The following PEAK1 variants were observed in gnomAD, a reference collection of about 807,000 sequenced individuals.
PEAK1 encodes the protein inactive tyrosine-protein kinase PEAK1.
Under a neutral mutation model 124.7 loss-of-function variants are expected in PEAK1, and 54 were observed. That is an observed-to-expected ratio of 0.43 (90% CI 0.35 to 0.54). The LOEUF (loss-of-function observed/expected upper bound fraction) is 0.54. Ranked by LOEUF, PEAK1 falls within the 20% of genes least tolerant of loss-of-function variation. The pLI is 0.01. For missense variants in PEAK1, 2,046 were observed against 2,134.5 expected, an observed-to-expected ratio of 0.96 and a Z score of 0.82; for synonymous variants, 719 against 760.0, an observed-to-expected ratio of 0.95 and a Z score of 0.89.
chr15:77,131,408 G>A (rs552844524), intron 9 of PEAK1, among the ~76,000 whole-genome samples: 5 of 152,278 alleles, frequency 3.3e-5, no homozygotes, highest in African/African-American at 9.6e-5. Context: ...CAGGAGAATC[G>A]CTTGAACCCG....
At chr15:77,261,309 C>T (rs555117915) in intron 5 of PEAK1, among the ~76,000 whole-genome samples, 25 of 152,138 alleles carry the variant, frequency 1.6e-4, no homozygotes, top group Non-Finnish European at 2.5e-4. Flanking sequence ...AGGCTTCAGA[C>T]GATCAAACTA....
chr15:77,196,183 TTGTC>T (rs1221913382), intron 6 of PEAK1, among the ~76,000 whole-genome samples: 2 of 152,200 alleles, frequency 1.3e-5, no homozygotes, highest in Non-Finnish European at 2.9e-5. Flanking sequence ...CCTCCTCAAT[TTGTC>T]TGTCAGCCGG....
At chr15:77,175,131 T>C (rs1486058063) in intron 7 of PEAK1, among the ~76,000 whole-genome samples, 6 of 151,884 alleles carry the variant, frequency 4.0e-5, no homozygotes, top group South Asian at 2.1e-4. Context: ...AAACGTTAGA[T>C]CTAAAACCAT....
chr15:77,192,929 C>T (rs936271520), intron 6 of PEAK1, among the ~76,000 whole-genome samples: 7 of 152,116 alleles, frequency 4.6e-5, no homozygotes, highest in Non-Finnish European at 1.0e-4. Flanking sequence ...TGACTACATA[C>T]TCTTCTGTGT....
rs1239969197 is a variant in PEAK1 at position 77,179,351 on chromosome 15, A to G, written c.2576T>C (p.Val859Ala). ...KPVTPSPSKL[V>A]TSPQSEPPAP... is the part of the protein sequence containing the mutation. ...TGGTGGCTCACTTTGGGGGCTAGTC[A>G]CTAATTTGGAGGGAGAGGGGGTGAC... Residue 859 changes from valine (V) to alanine (A), a missense_variant, in exon 7 of 10, where the codon GTG (valine) becomes GCG (alanine). Physicochemically the swap from Val to Ala is moderately conservative, Grantham distance 64. Coordinates refer to ENST00000682557, the MANE Select transcript of PEAK1 (RefSeq NM_001385026.1). 1 of 1,613,926 alleles carries G rather than the reference A, an allele frequency of 6.2e-7. No individual in the cohort carries two copies. The highest frequency in any genetic ancestry group is 2.2e-5 in the East Asian group (1 of 44,864).
At chr15:77,252,589 C>A in intron 5 of PEAK1, 63 bp from the exon 6 acceptor site, 2 of 861,158 alleles carry the variant, frequency 2.3e-6, no homozygotes, top group Non-Finnish European at 2.8e-6. Context: ...TATTGGACAT[C>A]TTTTCTTAGA....
At chr15:77,408,009 A>G (rs531773892) in intron 1 of PEAK1, among the ~76,000 whole-genome samples, 2 of 151,468 alleles carry the variant, frequency 1.3e-5, no homozygotes, top group African/African-American at 4.8e-5. Flanking sequence ...ACACACGTAC[A>G]CATATACACA....
intron 9 of PEAK1, among the ~76,000 whole-genome samples, chr15:77,132,340 C>A (rs2052936497): frequency 6.6e-6 from 1 of 151,236 alleles, no homozygotes; most frequent in African/African-American, 2.4e-5. Context: ...CTGGTTTGGG[C>A]TCCCAAAGTG....
chr15:77,263,908 C>T (rs1408410113), intron 5 of PEAK1, among the ~76,000 whole-genome samples: 3 of 152,104 alleles, frequency 2.0e-5, no homozygotes, highest in Non-Finnish European at 4.4e-5. Flanking sequence ...GCTTATCTAC[C>T]ATGATCAAGT....
At chr15:77,239,524 G>T (rs1179681966) in intron 6 of PEAK1, among the ~76,000 whole-genome samples, 1 of 152,186 alleles carries the variant, frequency 6.6e-6, no homozygotes, top group Non-Finnish European at 1.5e-5. Flanking sequence ...GATAATATAA[G>T]AAGAGAGACT....
Position 77,109,166 on chromosome 15 carries a change from A to G in PEAK1, c.*4990T>C, listed in dbSNP as rs1193421124. 6.6e-6 allele frequency: 1 copy of G among 152,116 alleles called. No homozygotes were observed. The highest frequency in any genetic ancestry group is 1.5e-5 in the Non-Finnish European group (1 of 68,026). The allele number at this position is 152,116 out of a possible 1,614,324, so 9.4% of individuals were successfully genotyped here. A position where few individuals can be genotyped will look rare whatever the true frequency, so the allele number is the denominator to read the frequency against. On this transcript the variant is annotated 3_prime_UTR_variant, in exon 10 of 10. Coordinates refer to ENST00000682557, the MANE Select transcript of PEAK1 (RefSeq NM_001385026.1). ...TTTAAACAAACCTATTTAAACTACC[A>G]TATCTCTTTAAAAAAATCTTCCGCT...
intron 8 of PEAK1, among the ~76,000 whole-genome samples, chr15:77,134,129 G>A (rs1209204321): frequency 1.3e-5 from 2 of 152,226 alleles, no homozygotes; most frequent in African/African-American, 4.8e-5. Flanking sequence ...TGACAGAGTA[G>A]AGATGATAGC....
downstream of PEAK1, chr15:77,103,422 A>C (rs530983406): frequency 6.6e-6 from 1 of 152,284 alleles, no homozygotes; most frequent in Admixed American, 6.5e-5. Context: ...GTGAGCCACC[A>C]CACCTGGCCA....
rs922130549 is a variant in PEAK1 at position 77,284,038 on chromosome 15, A to G, written c.-422-8T>C. 6.1e-6 allele frequency: 6 copies of G among 985,136 alleles called. No homozygotes were observed. In the African/African-American group the frequency reaches 8.7e-5, roughly 14 times the overall value. The allele number at this position is 985,136 out of a possible 1,614,324, so 61.0% of individuals were successfully genotyped here. ...AGGATGTAATTAGTCTCACTAAAGC[A>G]AGAAAACATGATAAACTTGGTTGAG... On this transcript the variant is annotated splice_region_variant and splice_polypyrimidine_tract_variant and intron_variant, in intron 4 of 9. Coordinates refer to ENST00000682557, the MANE Select transcript of PEAK1 (RefSeq NM_001385026.1).
chr15:77,124,895 T>C (rs2052240969), intron 9 of PEAK1, among the ~76,000 whole-genome samples: 1 of 152,350 alleles, frequency 6.6e-6, no homozygotes, highest in Admixed American at 6.5e-5. Flanking sequence ...CCCTTTCTTA[T>C]TGGCCCCAAG....
At chr15:77,417,459 C>CGGGGGGG (rs745566711) in intron 1 of PEAK1, 2 of 378,640 alleles carry the variant, frequency 5.3e-6, no homozygotes, top group African/African-American at 6.1e-5. Context: ...GGATGCGGGG[C>CGGGGGGG]GGGGGGGGAG....
intron 2 of PEAK1, chr15:77,352,183 C>T (rs1458257459): frequency 1.0e-6 from 1 of 982,838 alleles, no homozygotes; most frequent in Non-Finnish European, 1.2e-6. Flanking sequence ...CAGCCTCCAG[C>T]CTGGGTGACA....
chr15:77,248,981 G>A (rs977606214), intron 6 of PEAK1, among the ~76,000 whole-genome samples: 1 of 151,902 alleles, frequency 6.6e-6, no homozygotes, highest in African/African-American at 2.4e-5. Flanking sequence ...CACCACTTTC[G>A]GCTAAGTTTT....
At chr15:77,205,213 T>C (rs886663357) in intron 6 of PEAK1, 1 of 223,838 alleles carries the variant, frequency 4.5e-6, no homozygotes, top group Non-Finnish European at 8.6e-6. Context: ...TCTAGACACA[T>C]TTTCAAGAAG....
Sources: allele counts gnomAD v4.1 joint callset (sites outside exome capture counted in the v4.1 genomes callset), GRCh38; gene constraint gnomAD v4.1.1; transcripts MANE v1.5; gene names NCBI Gene and HGNC (gene_info 2026-07-23, HGNC 2026-07-21).